MAGI1: variants seen among roughly 807,000 people sequenced by gnomAD.
MAGI1 encodes membrane associated guanylate kinase, WW and PDZ domain containing 1.
In MAGI1, 58 loss-of-function variants were observed where a neutral mutation model predicts 139.9. The ratio of observed to expected loss-of-function variants is 0.41; its 90% CI spans 0.34 to 0.52. MAGI1 has a LOEUF of 0.52. MAGI1 is among the 20% of genes least tolerant of loss of function. MAGI1 has a pLI of 0.12. For synonymous variants in MAGI1, 812 were observed against 737.9 expected (o/e 1.10, Z -1.63); for missense variants, 1,874 against 1,901.6 (o/e 0.99, Z 0.27).
intron 1 of MAGI1, among the ~76,000 whole-genome samples, chr3:65,966,360 G>C (rs1295800606): frequency 6.6e-6 from 1 of 152,158 alleles, no homozygotes; most frequent in Non-Finnish European, 1.5e-5. Context: ...CTTTTCAATA[G>C]CTAAAAGTTA....
chr3:65,987,300 G>T (rs1325511684), intron 1 of MAGI1, among the ~76,000 whole-genome samples: 4 of 152,194 alleles, frequency 2.6e-5, no homozygotes, highest in Admixed American at 2.6e-4. Context: ...CATGCACCTT[G>T]TCATGTGCTC....
At chr3:65,402,387 G>C (rs955830124) in intron 12 of MAGI1, among the ~76,000 whole-genome samples, 1 of 152,140 alleles carries the variant, frequency 6.6e-6, no homozygotes, top group Non-Finnish European at 1.5e-5. Context: ...GAGCAATTGG[G>C]GGCAGACTTA....
At chr3:65,703,454 A>T (rs1164724455) in intron 1 of MAGI1, among the ~76,000 whole-genome samples, 2 of 152,248 alleles carry the variant, frequency 1.3e-5, no homozygotes, top group Non-Finnish European at 2.9e-5. Context: ...TCATTTCATT[A>T]GATGAACTGC....
At chr3:65,386,801 C>T (rs1373872311) in intron 14 of MAGI1, among the ~76,000 whole-genome samples, 1 of 152,144 alleles carries the variant, frequency 6.6e-6, no homozygotes, top group Non-Finnish European at 1.5e-5. Context: ...TGCAGTTAGT[C>T]TCCTTTGGGT....
intron 1 of MAGI1, among the ~76,000 whole-genome samples, chr3:65,868,460 C>T (rs1227571975): frequency 6.6e-6 from 1 of 152,178 alleles, no homozygotes; most frequent in Admixed American, 6.5e-5. Flanking sequence ...AACAGAGGGC[C>T]TGTCATGAAT....
chr3:65,771,059 C>A (rs1349486563), intron 1 of MAGI1, among the ~76,000 whole-genome samples: 1 of 151,780 alleles, frequency 6.6e-6, no homozygotes, highest in Admixed American at 6.6e-5. Context: ...GTAATCCCAG[C>A]GCTTTGGGAG....
At chr3:65,675,645 T>C (rs1368091082) in intron 1 of MAGI1, among the ~76,000 whole-genome samples, 1 of 152,346 alleles carries the variant, frequency 6.6e-6, no homozygotes. Flanking sequence ...AGCCATCTAA[T>C]GAGGTGGCTC....
intron 1 of MAGI1, among the ~76,000 whole-genome samples, chr3:65,854,219 G>A (rs1243085036): frequency 6.6e-6 from 1 of 151,070 alleles, no homozygotes; most frequent in Non-Finnish European, 1.5e-5. Flanking sequence ...AGGCTGAGAT[G>A]GGAGGATCCC....
intron 1 of MAGI1, among the ~76,000 whole-genome samples, chr3:65,713,878 G>C (rs139088018): frequency 7.9e-5 from 12 of 152,220 alleles, no homozygotes; most frequent in Admixed American, 1.3e-4. Context: ...ACAAAATAAA[G>C]TCCTTGAATT....
At chr3:65,421,653 C>A (rs575564302) in intron 12 of MAGI1, among the ~76,000 whole-genome samples, 1 of 152,136 alleles carries the variant, frequency 6.6e-6, no homozygotes, top group Non-Finnish European at 1.5e-5. Context: ...ATTAAAGGTA[C>A]TTTAATGAAA....
chr3:65,566,389 G>C (rs1033949032), intron 2 of MAGI1, among the ~76,000 whole-genome samples: 10 of 152,030 alleles, frequency 6.6e-5, no homozygotes, highest in African/African-American at 2.4e-4. Context: ...AACAGGGACT[G>C]AGTAGTAAGA....
chr3:66,031,767 C>A (rs1368897370), intron 1 of MAGI1, among the ~76,000 whole-genome samples: 2 of 129,456 alleles, frequency 1.5e-5, no homozygotes. Context: ...TAGCAAAGAT[C>A]TGATTTGCTA....
chr3:65,400,764 T>TC (rs1304941858), intron 13 of MAGI1, among the ~76,000 whole-genome samples: 6 of 72,434 alleles, frequency 8.3e-5, no homozygotes, highest in Non-Finnish European at 3.0e-5. Flanking sequence ...TTTTTTTTTT[T>TC]TTTTTTTTTT....
At chr3:65,503,850 A>C (rs1228334889) in intron 2 of MAGI1, among the ~76,000 whole-genome samples, 4 of 152,178 alleles carry the variant, frequency 2.6e-5, no homozygotes, top group Non-Finnish European at 5.9e-5. Flanking sequence ...AAGGAAAAGA[A>C]GAAGTTTTGA....
intron 1 of MAGI1, among the ~76,000 whole-genome samples, chr3:65,711,874 T>C (rs1326468878): frequency 6.6e-6 from 1 of 152,226 alleles, no homozygotes; most frequent in Non-Finnish European, 1.5e-5. Flanking sequence ...CTGTGATACC[T>C]TGTTATGGCA....
intron 1 of MAGI1, among the ~76,000 whole-genome samples, chr3:66,005,865 T>G (rs1363724314): frequency 6.6e-6 from 1 of 152,090 alleles, no homozygotes; most frequent in Non-Finnish European, 1.5e-5. Context: ...GAAAGGGCAC[T>G]TAGGAAGGGC....
chr3:65,703,848 A>T (rs1311694843), intron 1 of MAGI1, among the ~76,000 whole-genome samples: 1 of 152,194 alleles, frequency 6.6e-6, no homozygotes, highest in Non-Finnish European at 1.5e-5. Context: ...GAGGATGTCA[A>T]TAAAATTCTA....
intron 1 of MAGI1, among the ~76,000 whole-genome samples, chr3:65,921,309 ATTT>A (rs71105951): frequency 4.9e-5 from 7 of 143,560 alleles, no homozygotes; most frequent in Admixed American, 7.0e-5. Context: ...ATGACGTATA[ATTT>A]TTTTTTTTTT....
chr3:65,387,290 AT>A, intron 14 of MAGI1: 1 of 1,270,694 alleles, frequency 7.9e-7, no homozygotes, highest in Admixed American at 1.8e-5. Flanking sequence ...GTTCACTTTA[AT>A]TTAGTTTTGA....
Sources: allele counts gnomAD v4.1 joint callset (sites outside exome capture counted in the v4.1 genomes callset), GRCh38; gene constraint gnomAD v4.1.1; transcripts MANE v1.5; gene names NCBI Gene and HGNC (gene_info 2026-07-23, HGNC 2026-07-21).